The following SHTN1 variants were observed in gnomAD, a reference collection of about 807,000 sequenced individuals.
SHTN1 encodes the protein shootin-1.
Under a neutral mutation model 83.1 loss-of-function variants are expected in SHTN1, and 42 were observed. The observed-to-expected ratio is 0.51, with a 90% CI of 0.39 to 0.65. SHTN1 has a LOEUF of 0.65. Among genes scored for constraint, SHTN1 ranks in the 30% least tolerant of loss-of-function variants. SHTN1 has a pLI of 0.00. For synonymous variants in SHTN1, 224 were observed against 247.7 expected, an observed-to-expected ratio of 0.90 and a Z score of 0.90; for missense variants, 622 against 737.8, an observed-to-expected ratio of 0.84 and a Z score of 1.82.
intron 2 of SHTN1, among the ~76,000 whole-genome samples, chr10:117,037,991 G>A (rs1348979907): frequency 2.7e-5 from 2 of 74,028 alleles, no homozygotes; most frequent in Non-Finnish European, 4.7e-5. Context: ...GTGACAGAGC[G>A]AGACTTCAAA....
At chr10:116,891,466 A>G (rs1217691028) in intron 16 of SHTN1, among the ~76,000 whole-genome samples, 1 of 152,222 alleles carries the variant, frequency 6.6e-6, no homozygotes, top group Non-Finnish European at 1.5e-5. Context: ...TTTACAATAA[A>G]AATGGATAAA....
At chr10:117,119,815 C>T (rs1245452366) in intron 1 of SHTN1, among the ~76,000 whole-genome samples, 1 of 150,746 alleles carries the variant, frequency 6.6e-6, no homozygotes, top group African/African-American at 2.4e-5. Flanking sequence ...AAAAATTGTA[C>T]CTATACACAA....
At chr10:117,105,617 C>T (rs1485643831) in intron 1 of SHTN1, among the ~76,000 whole-genome samples, 1 of 152,154 alleles carries the variant, frequency 6.6e-6, no homozygotes, top group African/African-American at 2.4e-5. Flanking sequence ...AAAGATAAAC[C>T]AACCATGATG....
chr10:116,999,181 A>G (rs1162238156), intron 1 of SHTN1, among the ~76,000 whole-genome samples: 1 of 152,224 alleles, frequency 6.6e-6, no homozygotes, highest in Non-Finnish European at 1.5e-5. Context: ...AGAAATGTCC[A>G]TCCAGAGGAC....
At chr10:117,014,090 G>C (rs1167117750) in intron 2 of SHTN1, among the ~76,000 whole-genome samples, 2 of 151,974 alleles carry the variant, frequency 1.3e-5, no homozygotes, top group Non-Finnish European at 2.9e-5. Context: ...ATCATGAAAA[G>C]GCAAAACTAT....
At chr10:116,894,519 T>C (rs1415698118) in intron 16 of SHTN1, among the ~76,000 whole-genome samples, 3 of 152,148 alleles carry the variant, frequency 2.0e-5, no homozygotes, top group Non-Finnish European at 4.4e-5. Context: ...AGAAAAATGT[T>C]AACTTGAAGA....
chr10:117,055,990 C>A (rs760456541), intron 1 of SHTN1, among the ~76,000 whole-genome samples: 11 of 152,110 alleles, frequency 7.2e-5, no homozygotes, highest in African/African-American at 1.7e-4. Flanking sequence ...TGGACCGATT[C>A]CTCAAATACC....
intron 16 of SHTN1, among the ~76,000 whole-genome samples, chr10:116,900,064 T>C (rs1847677252): frequency 6.6e-6 from 1 of 152,224 alleles, no homozygotes; most frequent in Admixed American, 6.5e-5. Flanking sequence ...AATTCTCAGA[T>C]TCAATCTGGA....
chr10:117,020,785 A>G (rs753769937), intron 2 of SHTN1, among the ~76,000 whole-genome samples: 6 of 152,174 alleles, frequency 3.9e-5, no homozygotes, highest in African/African-American at 9.6e-5. Flanking sequence ...TACAAAAGCA[A>G]CAAAATTTTA....
upstream of SHTN1, among the ~76,000 whole-genome samples, chr10:117,006,586 A>T (rs533216568): frequency 6.7e-4 from 93 of 139,080 alleles, 3 homozygotes; most frequent in South Asian, 0.021. Flanking sequence ...AAAAAAAAAA[A>T]TTACAGGTCT....
chr10:116,960,597 ACTT>A (rs1275594419), intron 3 of SHTN1, among the ~76,000 whole-genome samples: 1 of 152,230 alleles, frequency 6.6e-6, no homozygotes, highest in East Asian at 1.9e-4. Context: ...TGACAGCATG[ACTT>A]CTTTTTCTCA....
intron 14 of SHTN1, chr10:116,911,539 A>G (rs1848195889): frequency 3.9e-6 from 6 of 1,550,518 alleles, no homozygotes; most frequent in Non-Finnish European, 5.2e-6. Context: ...TTGGAGGGCA[A>G]GAACAGGAAA....
intron 5 of SHTN1, among the ~76,000 whole-genome samples, chr10:116,952,944 T>C (rs1905542): frequency 0.29 from 44,850 of 152,058 alleles, 6,937 homozygotes; most frequent in East Asian, 0.51. Flanking sequence ...AACCATATTG[T>C]TCAAGCTCGA....
chr10:116,968,558 C>G, intron 3 of SHTN1, 94 bp downstream of exon 3: 1 of 832,316 alleles, frequency 1.2e-6, no homozygotes, highest in Non-Finnish European at 1.9e-6. Context: ...ATTGTATGAC[C>G]AGGACATTAG....
chr10:117,069,941 G>A (rs536798986), intron 1 of SHTN1, among the ~76,000 whole-genome samples: 1 of 152,190 alleles, frequency 6.6e-6, no homozygotes, highest in African/African-American at 2.4e-5. Context: ...ATAATAAAGG[G>A]AGTAGAGTTC....
At chr10:117,115,184 C>A (rs569871592) in intron 1 of SHTN1, among the ~76,000 whole-genome samples, 33 of 152,336 alleles carry the variant, frequency 2.2e-4, no homozygotes, top group Non-Finnish European at 4.4e-4. Context: ...AACTAAGATT[C>A]TCTATCCAGT....
intron 12 of SHTN1, among the ~76,000 whole-genome samples, chr10:116,918,178 C>T (rs1477344455): frequency 6.6e-6 from 1 of 152,100 alleles, no homozygotes; most frequent in African/African-American, 2.4e-5. Context: ...ATGAAGACAA[C>T]AGGTCTAATG....
intron 1 of SHTN1, among the ~76,000 whole-genome samples, chr10:117,064,093 G>A (rs967171285): frequency 1.2e-4 from 19 of 152,042 alleles, no homozygotes; most frequent in East Asian, 3.9e-4. Context: ...GAGCACTGGC[G>A]TTAAGAAACT....
intron 16 of SHTN1, among the ~76,000 whole-genome samples, chr10:116,890,139 A>G (rs1167908086): frequency 7.0e-6 from 1 of 143,214 alleles, no homozygotes; most frequent in African/African-American, 2.7e-5. Context: ...TTCAATGGGA[A>G]TTGTAATATA....
Sources: allele counts gnomAD v4.1 joint callset (sites outside exome capture counted in the v4.1 genomes callset), GRCh38; gene constraint gnomAD v4.1.1; transcripts MANE v1.5; gene names NCBI Gene and HGNC (gene_info 2026-07-23, HGNC 2026-07-21).